SLURP1: variants seen among roughly 807,000 people sequenced by gnomAD.
SLURP1 encodes secreted Ly-6/uPAR-related protein 1.
A neutral mutation model predicts 7.9 loss-of-function variants in SLURP1; 2 were observed. The ratio of observed to expected loss-of-function variants is 0.25; its 90% CI spans 0.10 to 0.79. The LOEUF (loss-of-function observed/expected upper bound fraction) is 0.79, where lower values mean the gene tolerates loss of function less well. SLURP1 is among the 30% of genes least tolerant of loss of function. SLURP1 has a pLI of 0.69. For synonymous variants in SLURP1, 59 were observed against 54.9 expected, an observed-to-expected ratio of 1.07 and a Z score of -0.33; for missense variants, 111 against 139.8, an observed-to-expected ratio of 0.79 and a Z score of 1.04.
At position 142,741,248 on chromosome 8, in the gene SLURP1, C is replaced by T. The variant is rs768003413; in HGVS notation, c.207G>A (p.Val69=). The T allele has an allele frequency of 2.5e-6, 4 of 1,607,192 alleles. No homozygotes were observed. The East Asian group carries it at 6.7e-5, about 27-fold the overall frequency. Residue 69 remains valine (V), a synonymous_variant, in exon 3 of 3, where the codon GTG becomes GTA. Coordinates refer to ENST00000246515, the MANE Select transcript of SLURP1 (RefSeq NM_020427.3). This position sits in a 1 kb window ranked among gnomAD's most constrained non-coding sequence, Gnocchi z 4.3. The part of the protein sequence containing the change: ...AEYPFNQSPV[V]TRSCSSSCVA... ...CACAGGAGCTGGAGCAGGAGCGGGT[C>T]ACCACGGGGCTCTGGTTGAAGGGGT...
rs957242149 is a variant in SLURP1 at position 142,741,749 on chromosome 8, G to T, written c.178+54C>A. Reference sequence around the variant, plus strand: ...ACCAGCAAAGGAGGGAGGCACTTGGGGGAGGTGGCCCTGACTCCAGTGCAC... The same window carrying T: ...ACCAGCAAAGGAGGGAGGCACTTGGTGGAGGTGGCCCTGACTCCAGTGCAC... On this transcript the variant is annotated intron_variant, in intron 2 of 2. Coordinates refer to ENST00000246515, the MANE Select transcript of SLURP1 (RefSeq NM_020427.3). This position sits in a 1 kb window ranked among gnomAD's most constrained non-coding sequence, Gnocchi z 4.3. 1.9e-6 allele frequency: 3 copies of T among 1,601,956 alleles called. No individual in the cohort carries two copies. The highest frequency in any genetic ancestry group is 1.3e-5 in the African/African-American group (1 of 74,914).
Position 142,741,169 on chromosome 8 carries a change from G to C in SLURP1, c.286C>G (p.Arg96Gly), listed in dbSNP as rs121908317. Reference protein sequence around the residue: ...GAAHLIFCCFRDLCNSEL With the variant: ...GAAHLIFCCFGDLCNSEL ...CAGAGTTCCGAGTTGCAGAGGTCTC[G>C]GAAGCAGCAGAAGATCAGGTGGGCG... The change falls in exon 3 of 3, where the codon CGA becomes GGA. Residue 96 changes from arginine to glycine, a missense_variant. Coordinates refer to ENST00000246515, the MANE Select transcript of SLURP1 (RefSeq NM_020427.3). The surrounding 1 kb of genome is among the most constrained non-coding windows in gnomAD (Gnocchi z 4.3). 6.2e-7 allele frequency: 1 copy of C among 1,607,922 alleles called. No homozygotes were observed. Among genetic ancestry groups the C allele is most frequent in the Non-Finnish European group, 8.5e-7 (1 of 1,179,948 alleles).
At position 142,741,275 on chromosome 8, in the gene SLURP1, C is replaced by T. The variant is rs587656520; in HGVS notation, c.180G>A (p.Glu60=). ...CMTTLVTVEA[E]YPFNQSPVVT... ...CCACGGGGCTCTGGTTGAAGGGGTA[C>T]TCTGCAGGGTGGGCCAGTGTCAGAA... The change falls in exon 3 of 3, where the codon GAG becomes GAA. Residue 60 remains glutamate, a splice_region_variant and synonymous_variant. Transcript: ENST00000246515. This position sits in a 1 kb window ranked among gnomAD's most constrained non-coding sequence, Gnocchi z 4.3. 30 of 1,594,380 alleles carry T rather than the reference C, an allele frequency of 1.9e-5. No individual in the cohort carries two copies. In the African/African-American group the frequency reaches 3.3e-4, roughly 18 times the overall value.
intron 1 of SLURP1, 141 bp downstream of exon 1, chr8:142,742,187 C>T (rs928408453): frequency 9.5e-7 from 1 of 1,053,060 alleles, no homozygotes; most frequent in Non-Finnish European, 1.4e-6. Flanking sequence ...ACCCAGGAGG[C>T]TCACTGAGAA....
At position 142,741,305 on chromosome 8, in the gene SLURP1, C is replaced by A; in HGVS notation, c.179-29G>T. 6.4e-7 allele frequency: 1 copy of A among 1,558,712 alleles called. No individual in the cohort carries two copies. ...CAGGGTGGGCCAGTGTCAGAACCCTCACTCCCCTGCAGCGCCTGCCTGCTG... is the reference window on the plus strand; with the variant it reads ...CAGGGTGGGCCAGTGTCAGAACCCTAACTCCCCTGCAGCGCCTGCCTGCTG... On this transcript the variant is annotated intron_variant, in intron 2 of 2. Coordinates refer to ENST00000246515, the MANE Select transcript of SLURP1 (RefSeq NM_020427.3). The surrounding 1 kb of genome is among the most constrained non-coding windows in gnomAD (Gnocchi z 4.3).
At position 142,741,200 on chromosome 8, in the gene SLURP1, G is replaced by A. The variant is rs955820394; in HGVS notation, c.255C>T (p.Ile85=). The change falls in exon 3 of 3, where the codon ATC becomes ATT. Residue 85 remains isoleucine, a synonymous_variant. Coordinates refer to ENST00000246515, the MANE Select transcript of SLURP1 (RefSeq NM_020427.3). This position sits in a 1 kb window ranked among gnomAD's most constrained non-coding sequence, Gnocchi z 4.3. ...SSCVATDPDS[I]GAAHLIFCCF... ...AGCAGAAGATCAGGTGGGCGGCCCCGATGCTGTCGGGGTCGGTGGCCACAC... is the reference window on the plus strand; with the variant it reads ...AGCAGAAGATCAGGTGGGCGGCCCCAATGCTGTCGGGGTCGGTGGCCACAC... 20 of 1,610,040 alleles carry A rather than the reference G, an allele frequency of 1.2e-5. No homozygotes were observed. The highest frequency in any genetic ancestry group is 3.3e-5 in the Admixed American group (2 of 60,000).
rs1356466217 is a variant in SLURP1 at position 142,741,144 on chromosome 8, CAG to C, written c.309_310del (p.Ter104AsnfsTer41). 1 of 1,604,790 alleles carries C rather than the reference CAG, an allele frequency of 6.2e-7. No homozygotes were observed. Among genetic ancestry groups the C allele is most frequent in the Non-Finnish European group, 8.5e-7 (1 of 1,179,932 alleles). On this transcript the variant is annotated frameshift_variant and stop_lost, in exon 3 of 3. Coordinates refer to ENST00000246515, the MANE Select transcript of SLURP1 (RefSeq NM_020427.3). LOFTEE classifies it high-confidence loss of function. This position sits in a 1 kb window ranked among gnomAD's most constrained non-coding sequence, Gnocchi z 4.3. Reference sequence around the variant, plus strand: ...ACCTTCCGCCCTGCCGCCCTGGGTTCAGAGTTCCGAGTTGCAGAGGTCTCGGA... The same window carrying C: ...ACCTTCCGCCCTGCCGCCCTGGGTTCAGTTCCGAGTTGCAGAGGTCTCGGA...
chr8:142,742,026 C>T (rs996160379), intron 1 of SLURP1, 104 bp from the exon 2 acceptor site: 108 of 1,549,602 alleles, frequency 7.0e-5, no homozygotes, highest in Non-Finnish European at 8.4e-5. Context: ...CTTTCAAGGC[C>T]CCGGGCAGCC....
At chr8:142,742,122 C>T (rs923892369) in intron 1 of SLURP1, among the ~76,000 whole-genome samples, 200 bp from the exon 2 acceptor site, 3 of 152,220 alleles carry the variant, frequency 2.0e-5, no homozygotes, top group Non-Finnish European at 4.4e-5. Flanking sequence ...CCTCAGTCTC[C>T]CTTCCTGCAG....
chr8:142,741,090 C>A lies in SLURP1; in HGVS notation c.*53G>T, dbSNP rs928992432. ...GGAGGTGATCACAGGTGGAGCCAGG[C>A]CCCGTCAGAGAGGAGGTGCCTGAGG... is the stretch of plus-strand genomic sequence containing the variant. On this transcript the variant is annotated 3_prime_UTR_variant, in exon 3 of 3. Transcript: ENST00000246515. This position sits in a 1 kb window ranked among gnomAD's most constrained non-coding sequence, Gnocchi z 4.3. The A allele has an allele frequency of 6.3e-7, 1 of 1,598,456 alleles. No individual in the cohort carries two copies. Among genetic ancestry groups the A allele is most frequent in the Non-Finnish European group, 8.5e-7 (1 of 1,179,580 alleles).
intron 1 of SLURP1, 44 bp downstream of exon 1, chr8:142,742,284 A>G: frequency 1.9e-6 from 3 of 1,604,018 alleles, no homozygotes; most frequent in Non-Finnish European, 2.6e-6. Flanking sequence ...AGGTGGGCAG[A>G]CAAGCTCAGA....
rs1815855898 is a variant in SLURP1 at position 142,741,069 on chromosome 8, G to A, written c.*74C>T. On this transcript the variant is annotated 3_prime_UTR_variant, in exon 3 of 3. Transcript: ENST00000246515. This position sits in a 1 kb window ranked among gnomAD's most constrained non-coding sequence, Gnocchi z 4.3. ...CCACAGCAGCAGGAAGCAGGGGGAG[G>A]TGATCACAGGTGGAGCCAGGCCCCG... 1.9e-6 allele frequency: 3 copies of A among 1,590,858 alleles called. No individual in the cohort carries two copies. The highest frequency in any genetic ancestry group is 1.1e-5 in the South Asian group (1 of 90,784).
At position 142,741,068 on chromosome 8, in the gene SLURP1, G is replaced by A; in HGVS notation, c.*75C>T. 3.1e-6 allele frequency: 5 copies of A among 1,589,906 alleles called. No homozygotes were observed. The highest frequency in any genetic ancestry group is 4.5e-5 in the East Asian group (2 of 44,792). ...GCCACAGCAGCAGGAAGCAGGGGGA[G>A]GTGATCACAGGTGGAGCCAGGCCCC... On this transcript the variant is annotated 3_prime_UTR_variant, in exon 3 of 3. Transcript: ENST00000246515. This position sits in a 1 kb window ranked among gnomAD's most constrained non-coding sequence, Gnocchi z 4.3.
At position 142,741,348 on chromosome 8, in the gene SLURP1, G is replaced by T; in HGVS notation, c.179-72C>A. ...GCCTGCTGCTGCACTGCTCCCAGCCGCCGTCGCCTGACCTCACCCTCCCTG... is the reference window on the plus strand; with the variant it reads ...GCCTGCTGCTGCACTGCTCCCAGCCTCCGTCGCCTGACCTCACCCTCCCTG... On this transcript the variant is annotated intron_variant, in intron 2 of 2. Coordinates refer to ENST00000246515, the MANE Select transcript of SLURP1 (RefSeq NM_020427.3). This position sits in a 1 kb window ranked among gnomAD's most constrained non-coding sequence, Gnocchi z 4.3. The T allele has an allele frequency of 1.3e-6, 2 of 1,509,348 alleles. No homozygotes were observed. The highest frequency in any genetic ancestry group is 1.2e-5 in the South Asian group (1 of 80,414). The allele number at this position is 1,509,348 out of a possible 1,614,324, so 93.5% of individuals were successfully genotyped here. A position where few individuals can be genotyped will look rare whatever the true frequency, so the allele number is the denominator to read the frequency against.
chr8:142,741,253 CG>C lies in SLURP1; in HGVS notation c.201del (p.Val68TrpfsTer2). ...VEAEYPFNQS[P>X]VVTRSCSSSC... Reference sequence around the variant, plus strand: ...GAGCTGGAGCAGGAGCGGGTCACCACGGGGCTCTGGTTGAAGGGGTACTCTG... The same window carrying C: ...GAGCTGGAGCAGGAGCGGGTCACCACGGGCTCTGGTTGAAGGGGTACTCTG... On this transcript the variant is annotated frameshift_variant, in exon 3 of 3. Transcript: ENST00000246515. LOFTEE classifies it low-confidence loss of function (END_TRUNC). This position sits in a 1 kb window ranked among gnomAD's most constrained non-coding sequence, Gnocchi z 4.3. 6.2e-7 allele frequency: 1 copy of C among 1,606,020 alleles called. No individual in the cohort carries two copies.
At position 142,742,353 on chromosome 8, in the gene SLURP1, G is replaced by C. The variant is rs373353823; in HGVS notation, c.33C>G (p.Leu11=). Residue 11 remains leucine, a synonymous_variant, in exon 1 of 3, where the codon CTC becomes CTG. Transcript: ENST00000246515. ...CACAGCCCATGCTCCAGGCTGCCAC[G>C]AGCAGCAGCTGCACAGCCCAGCGAG... MASRWAVQLL[L]VAAWSMGCGE... The C allele has an allele frequency of 3.1e-6, 5 of 1,612,858 alleles. No individual in the cohort carries two copies. The African/African-American group carries it at 6.7e-5, about 22-fold the overall frequency.
rs1221655350 is a variant in SLURP1 at position 142,741,260 on chromosome 8, C to T, written c.195G>A (p.Gln65=). 1 of 1,603,478 alleles carries T rather than the reference C, an allele frequency of 6.2e-7. No homozygotes were observed. The highest frequency in any genetic ancestry group is 1.3e-5 in the African/African-American group (1 of 74,908). ...VTVEAEYPFN[Q]SPVVTRSCSS... ...AGCAGGAGCGGGTCACCACGGGGCT[C>T]TGGTTGAAGGGGTACTCTGCAGGGT... Residue 65 remains glutamine, a synonymous_variant, in exon 3 of 3, where the codon CAG becomes CAA. Coordinates refer to ENST00000246515, the MANE Select transcript of SLURP1 (RefSeq NM_020427.3). This position sits in a 1 kb window ranked among gnomAD's most constrained non-coding sequence, Gnocchi z 4.3.
chr8:142,741,738 G>T lies in SLURP1; in HGVS notation c.178+65C>A. 6.3e-7 allele frequency: 1 copy of T among 1,599,930 alleles called. No individual in the cohort carries two copies. The stretch of plus-strand genomic sequence containing the variant: ...CCGGGAGGAGCACCAGCAAAGGAGG[G>T]AGGCACTTGGGGGAGGTGGCCCTGA... On this transcript the variant is annotated intron_variant, in intron 2 of 2. Transcript: ENST00000246515. The surrounding 1 kb of genome is among the most constrained non-coding windows in gnomAD (Gnocchi z 4.3).
chr8:142,742,221 G>T (rs115211404), intron 1 of SLURP1, 107 bp downstream of exon 1: 3 of 1,218,396 alleles, frequency 2.5e-6, no homozygotes, highest in African/African-American at 1.5e-5. Context: ...CCTCATGGAG[G>T]CCTAAGGAGG....
Sources: gnomAD v4.1 joint callset for allele counts (sites outside exome capture counted in the v4.1 genomes callset) on GRCh38, gnomAD v4.1.1 for gene constraint, Gnocchi (gnomAD v3.1) non-coding constraint, MANE v1.5 for transcripts, NCBI Gene and HGNC (gene_info 2026-07-23, HGNC 2026-07-21) for gene names.